Variants in ST6GAL1 observed in about 807,000 individuals in gnomAD.
ST6GAL1 encodes the protein ST6 beta-galactoside alpha-2,6-sialyltransferase 1.
ST6GAL1 carries 20 observed loss-of-function variants against 38.0 expected under a neutral mutation model. That is an observed-to-expected ratio of 0.53 (90% CI 0.37 to 0.77). The LOEUF is 0.77. Among genes scored for constraint, ST6GAL1 ranks in the 30% least tolerant of loss-of-function variants. The pLI, the probability that ST6GAL1 is intolerant of heterozygous loss-of-function variation, is 0.00. For synonymous variants in ST6GAL1, 196 were observed against 188.2 expected, an observed-to-expected ratio of 1.04 and a Z score of -0.34; for missense variants, 432 against 496.4, an observed-to-expected ratio of 0.87 and a Z score of 1.23.
chr3:187,029,544 T>C (rs1717666999), intron 2 of ST6GAL1, among the ~76,000 whole-genome samples: 1 of 152,092 alleles, frequency 6.6e-6, no homozygotes, highest in Non-Finnish European at 1.5e-5. Context: ...AGAGGGAGAT[T>C]GAAAGGAGGA....
At chr3:186,974,538 A>G (rs1398089918) in intron 2 of ST6GAL1, among the ~76,000 whole-genome samples, 2 of 152,114 alleles carry the variant, frequency 1.3e-5, no homozygotes, top group African/African-American at 4.8e-5. Context: ...TTTTTTTAGT[A>G]AACTTACTGA....
intron 2 of ST6GAL1, among the ~76,000 whole-genome samples, chr3:187,035,615 C>T (rs1717903713): frequency 6.6e-6 from 1 of 152,148 alleles, no homozygotes; most frequent in Non-Finnish European, 1.5e-5. Flanking sequence ...CTATAATCAT[C>T]TGATCTTTAA....
chr3:187,015,779 C>A (rs917700401), intron 2 of ST6GAL1, among the ~76,000 whole-genome samples: 3 of 152,016 alleles, frequency 2.0e-5, no homozygotes, highest in African/African-American at 4.8e-5. Context: ...GTCGAGGCTG[C>A]AGTGAGCTGT....
rs778827057 is a variant in ST6GAL1 at position 186,995,514 on chromosome 3, AATAATAATAAAAT to A, written c.-183+31590_-183+31602del. On this transcript the variant is annotated intron_variant, in intron 2 of 7. Transcript: ENST00000169298. Reference sequence around the variant, plus strand: ...GAGTGAGACACCATCTCAAAAAAAAAATAATAATAAAATAAAAAAAAAATAAAGAAATTGTTAA... The same window carrying A: ...GAGTGAGACACCATCTCAAAAAAAAAAAAAAAAAAATAAAGAAATTGTTAA... Among the ~76,000 whole-genome samples the A allele has an allele frequency of 2.2e-3, 66 of 30,358 alleles. 2 individuals are homozygous for A. The highest frequency in any genetic ancestry group is 6.2e-3 in the African/African-American group (61 of 9,762). 19.9% of individuals were successfully genotyped at this position (30,358 alleles called of 152,430 possible).
At chr3:186,987,278 C>T (rs945305471) in intron 2 of ST6GAL1, among the ~76,000 whole-genome samples, 2 of 151,834 alleles carry the variant, frequency 1.3e-5, no homozygotes, top group Non-Finnish European at 2.9e-5. Flanking sequence ...AAGAAAAGCC[C>T]CTAAGGTTAG....
chr3:186,972,027 G>C (rs546146219), intron 2 of ST6GAL1, among the ~76,000 whole-genome samples: 1 of 152,282 alleles, frequency 6.6e-6, no homozygotes, highest in East Asian at 1.9e-4. Context: ...TGATGATATT[G>C]CACTTCTTAT....
At chr3:186,966,723 C>T (rs16861384) in intron 2 of ST6GAL1, among the ~76,000 whole-genome samples, 7,576 of 152,180 alleles carry the variant, frequency 0.05, 196 homozygotes, top group African/African-American at 0.067. Context: ...TAGTGTAGTC[C>T]TCTCATTCAG....
chr3:187,028,890 G>A (rs192508051), intron 2 of ST6GAL1, among the ~76,000 whole-genome samples: 44 of 152,178 alleles, frequency 2.9e-4, no homozygotes, highest in Non-Finnish European at 4.0e-4. Flanking sequence ...ATGACAGCTT[G>A]ATAATATACA....
chr3:186,980,605 A>AAAG (rs1715665720), intron 2 of ST6GAL1, among the ~76,000 whole-genome samples: 2 of 42,618 alleles, frequency 4.7e-5, no homozygotes, highest in Non-Finnish European at 1.5e-4. Context: ...TAAAATTACA[A>AAAG]AAAAAAAAAA....
At chr3:187,073,677 CA>C (rs1296990449) in intron 6 of ST6GAL1, 1 of 153,574 alleles carries the variant, frequency 6.5e-6, no homozygotes, top group Non-Finnish European at 1.4e-5. Flanking sequence ...TTGGATCTAC[CA>C]ATGCCTGACA....
chr3:187,037,169 T>C (rs3936289), intron 2 of ST6GAL1, among the ~76,000 whole-genome samples: 48,893 of 152,102 alleles, frequency 0.32, 9,139 homozygotes, highest in African/African-American at 0.51. Flanking sequence ...GTTACATTAA[T>C]TTATATGATC....
chr3:187,050,265 C>T (rs1028005346), intron 4 of ST6GAL1, among the ~76,000 whole-genome samples: 2 of 152,128 alleles, frequency 1.3e-5, no homozygotes, highest in East Asian at 3.8e-4. Context: ...GTGTAGATTT[C>T]AGTGGTGAGC....
chr3:187,074,185 C>G lies in ST6GAL1; in HGVS notation c.831C>G (p.Phe277Leu). Reference protein sequence around the residue: ...PKWYQNPDYNFFNNYKTYRKL... With the variant: ...PKWYQNPDYNLFNNYKTYRKL... ...GGTACCAGAATCCGGATTATAATTT[C>G]TTTAACAACTACAAGACTTATCGTA... Residue 277 changes from phenylalanine (F) to leucine (L), a missense_variant, in exon 7 of 8, where the codon TTC (phenylalanine) becomes TTG (leucine). By Grantham distance (22) the Phe-to-Leu change is conservative (BLOSUM62 0). Transcript: ENST00000169298. 6.2e-7 allele frequency: 1 copy of G among 1,607,498 alleles called. No homozygotes were observed. Among genetic ancestry groups the G allele is most frequent in the Non-Finnish European group, 8.5e-7 (1 of 1,177,564 alleles).
intron 1 of ST6GAL1, among the ~76,000 whole-genome samples, chr3:186,946,008 A>AAAG (rs1491016624): frequency 7.3e-6 from 1 of 137,078 alleles, no homozygotes; most frequent in African/African-American, 2.7e-5. Context: ...AAAAAAAAAA[A>AAAG]GAAGGGTACC....
At chr3:187,002,547 G>T (rs7643789) in intron 2 of ST6GAL1, among the ~76,000 whole-genome samples, 8 of 152,012 alleles carry the variant, frequency 5.3e-5, no homozygotes, top group Admixed American at 5.2e-4. Flanking sequence ...TGAGGCATTG[G>T]CTGGGAGGTT....
intron 1 of ST6GAL1, among the ~76,000 whole-genome samples, chr3:186,939,278 G>A (rs986012343): frequency 2.0e-5 from 3 of 151,816 alleles, no homozygotes; most frequent in Non-Finnish European, 4.4e-5. Flanking sequence ...GTGTCTCACC[G>A]TGTTGCCCAG....
At chr3:187,001,317 AATT>A (rs1380657529) in intron 2 of ST6GAL1, among the ~76,000 whole-genome samples, 1 of 152,194 alleles carries the variant, frequency 6.6e-6, no homozygotes, top group East Asian at 1.9e-4. Flanking sequence ...ACTTTGGACA[AATT>A]ATTTTACCTT....
chr3:187,051,118 C>A lies in ST6GAL1; in HGVS notation c.608-131C>A, dbSNP rs534361367. On this transcript the variant is annotated intron_variant, in intron 4 of 7. Transcript: ENST00000169298. ...GCACCACACAAATACTGCCATTTCG[C>A]CCTGTGGATCATGATGGGGTAAAGA... The A allele has an allele frequency of 3.9e-5, 30 of 772,352 alleles. No homozygotes were observed. The South Asian group carries it at 4.8e-4, about 12-fold the overall frequency. The allele number at this position is 772,352 out of a possible 1,614,324, so 47.8% of individuals were successfully genotyped here. A position where few individuals can be genotyped will look rare whatever the true frequency, so the allele number is the denominator to read the frequency against.
intron 1 of ST6GAL1, among the ~76,000 whole-genome samples, chr3:186,954,312 A>G (rs1437586427): frequency 2.0e-5 from 3 of 152,174 alleles, no homozygotes; most frequent in Non-Finnish European, 4.4e-5. Context: ...GTATCTTTAT[A>G]ATAGAAGGAT....
Sources: gnomAD v4.1 joint callset for allele counts (sites outside exome capture counted in the v4.1 genomes callset) on GRCh38, gnomAD v4.1.1 for gene constraint, MANE v1.5 for transcripts, NCBI Gene and HGNC (gene_info 2026-07-23, HGNC 2026-07-21) for gene names.